The following DDAH1 variants were observed in gnomAD, a reference collection of about 807,000 sequenced individuals.
DDAH1 encodes dimethylarginine dimethylaminohydrolase 1.
DDAH1 carries 19 observed loss-of-function variants against 28.8 expected under a neutral mutation model. The ratio of observed to expected loss-of-function variants is 0.66; its 90% CI spans 0.46 to 0.97. DDAH1 has a LOEUF of 0.97. Among genes scored for constraint, DDAH1 ranks in the 50% least tolerant of loss-of-function variants. DDAH1 has a pLI of 0.00. For missense variants in DDAH1, 326 were observed against 375.9 expected, an observed-to-expected ratio of 0.87 and a Z score of 1.10; for synonymous variants, 153 against 154.4, an observed-to-expected ratio of 0.99 and a Z score of 0.07.
chr1:85,525,567 TCA>T (rs3058870), intron 1 of DDAH1, among the ~76,000 whole-genome samples: 15 of 148,980 alleles, frequency 1.0e-4, no homozygotes, highest in Non-Finnish European at 1.8e-4. Context: ...AGAATGATAT[TCA>T]CACACACACA....
At chr1:85,335,973 A>G (rs750719822) in intron 4 of DDAH1, among the ~76,000 whole-genome samples, 3 of 30,196 alleles carry the variant, frequency 9.9e-5, no homozygotes, top group Non-Finnish European at 9.3e-5. Context: ...AAAATGAAAT[A>G]AAATAAAATA....
At position 85,397,951 on chromosome 1, in the gene DDAH1, T is replaced by C. The variant is rs1651887493; in HGVS notation, c.304-39104A>G. On this transcript the variant is annotated intron_variant, in intron 1 of 5. Coordinates refer to ENST00000284031, the MANE Select transcript of DDAH1 (RefSeq NM_012137.4). ...AGTTGAGGAGATGCTGGTGCCATGC[T>C]TCTTATATAGCCTGCAGAGCTGTAA... 2.0e-5 allele frequency among the ~76,000 whole-genome samples: 3 copies of C among 151,880 alleles called. No individual in the cohort carries two copies. The South Asian group carries it at 6.2e-4, about 31-fold the overall frequency.
At chr1:85,408,232 G>A (rs780211521) in intron 1 of DDAH1, among the ~76,000 whole-genome samples, 9 of 151,906 alleles carry the variant, frequency 5.9e-5, no homozygotes, top group Non-Finnish European at 1.3e-4. Flanking sequence ...TGAAAGAGCT[G>A]TGCTTTTGTC....
At chr1:85,400,184 T>TTTTTTC (rs1652008877) in intron 1 of DDAH1, among the ~76,000 whole-genome samples, 3 of 78,450 alleles carry the variant, frequency 3.8e-5, no homozygotes, top group Non-Finnish European at 4.8e-5. Context: ...TTTCTTTTTT[T>TTTTTTC]TTTTTTTTTT....
chr1:85,339,299 A>G (rs1648325928), intron 4 of DDAH1, among the ~76,000 whole-genome samples: 1 of 152,172 alleles, frequency 6.6e-6, no homozygotes, highest in Non-Finnish European at 1.5e-5. Context: ...ACCTCTCAGT[A>G]TGTGGTCACA....
chr1:85,465,056 G>A lies in DDAH1; in HGVS notation c.-11C>T. 8.1e-7 allele frequency: 1 copy of A among 1,238,912 alleles called. No individual in the cohort carries two copies. 76.7% of individuals were successfully genotyped at this position (1,238,912 alleles called of 1,614,324 possible). Reference sequence around the variant, plus strand: ...GCCGAGCCCGGCCATGGCTTCGGGAGGCTTAGGGGCGGCGGCGGCGGCGGA... The same window carrying A: ...GCCGAGCCCGGCCATGGCTTCGGGAAGCTTAGGGGCGGCGGCGGCGGCGGA... On this transcript the variant is annotated 5_prime_UTR_variant, in exon 1 of 6. Transcript: ENST00000284031.
At chr1:85,551,725 T>C (rs1260545048) in intron 1 of DDAH1, among the ~76,000 whole-genome samples, 1 of 152,174 alleles carries the variant, frequency 6.6e-6, no homozygotes, top group Non-Finnish European at 1.5e-5. Context: ...GAGAACATCT[T>C]GGGAGATCAG....
At chr1:85,350,064 C>G (rs1649111573) in intron 4 of DDAH1, among the ~76,000 whole-genome samples, 1 of 152,204 alleles carries the variant, frequency 6.6e-6, no homozygotes, top group Admixed American at 6.5e-5. Flanking sequence ...TACCAACTCT[C>G]CAACTTAAGT....
At chr1:85,393,356 A>T (rs1039713397) in intron 1 of DDAH1, among the ~76,000 whole-genome samples, 1 of 152,172 alleles carries the variant, frequency 6.6e-6, no homozygotes, top group African/African-American at 2.4e-5. Flanking sequence ...AGGAATATCA[A>T]ATCCAGTTCT....
intron 1 of DDAH1, among the ~76,000 whole-genome samples, chr1:85,503,106 C>A (rs1478924828): frequency 1.3e-5 from 2 of 152,078 alleles, no homozygotes; most frequent in South Asian, 4.1e-4. Context: ...ACCCCAACAA[C>A]CAAATTAATA....
In DDAH1 at chr1:85,402,161, ATTTTTTT is replaced by A. The variant is rs11365834; in HGVS notation, c.304-43321_304-43315del. On this transcript the variant is annotated intron_variant, in intron 1 of 5. Coordinates refer to ENST00000284031, the MANE Select transcript of DDAH1 (RefSeq NM_012137.4). ...ACCACCACTCCCAGCTAATACTTCT[ATTTTTTT>A]TTTTTTTTTTTTTGGTACAGACAGG... Among the ~76,000 whole-genome samples the A allele has an allele frequency of 3.3e-5, 4 of 120,418 alleles. No homozygotes were observed. In the Admixed American group the frequency reaches 3.5e-4, roughly 11 times the overall value. 79.0% of individuals were successfully genotyped at this position (120,418 alleles called of 152,430 possible).
intron 1 of DDAH1, among the ~76,000 whole-genome samples, chr1:85,422,305 C>G (rs1653183203): frequency 6.6e-6 from 1 of 152,068 alleles, no homozygotes; most frequent in Admixed American, 6.6e-5. Context: ...GATACAACTC[C>G]TCTATCAGAT....
At chr1:85,383,555 TTTGAGAGGACTACAATC>T (rs1348795674) in intron 1 of DDAH1, among the ~76,000 whole-genome samples, 3 of 152,208 alleles carry the variant, frequency 2.0e-5, no homozygotes, top group African/African-American at 7.2e-5. Context: ...GCAATGGTAG[TTTGAGAGGACTACAATC>T]TTGAAAGAAG....
chr1:85,504,910 C>A (rs1656956199), intron 1 of DDAH1, among the ~76,000 whole-genome samples: 1 of 150,930 alleles, frequency 6.6e-6, no homozygotes, highest in Non-Finnish European at 1.5e-5. Flanking sequence ...ATCAGAATTT[C>A]CAGGGAGGGG....
intron 1 of DDAH1, among the ~76,000 whole-genome samples, chr1:85,524,172 C>T (rs1176937273): frequency 4.0e-5 from 6 of 151,748 alleles, no homozygotes; most frequent in Non-Finnish European, 5.9e-5. Context: ...GGTGTGTACA[C>T]AATGGAGACA....
chr1:85,480,307 A>G (rs1374732921), intron 2 of DDAH1, among the ~76,000 whole-genome samples: 1 of 152,212 alleles, frequency 6.6e-6, no homozygotes, highest in African/African-American at 2.4e-5. Context: ...TTAAGCTTCT[A>G]ATAAAACCTA....
chr1:85,348,839 A>T (rs1649022510), intron 4 of DDAH1, among the ~76,000 whole-genome samples: 1 of 152,234 alleles, frequency 6.6e-6, no homozygotes, highest in Admixed American at 6.5e-5. Flanking sequence ...CTATTGAGGT[A>T]GGGACCAAAT....
intron 1 of DDAH1, among the ~76,000 whole-genome samples, chr1:85,558,162 T>C (rs907787546): frequency 6.6e-6 from 1 of 151,052 alleles, no homozygotes; most frequent in Non-Finnish European, 1.5e-5. Context: ...AGTTCAAGAG[T>C]TCAAGACTGG....
chr1:85,519,225 C>G (rs1386248752), intron 1 of DDAH1, among the ~76,000 whole-genome samples: 1 of 151,232 alleles, frequency 6.6e-6, no homozygotes, highest in East Asian at 2.0e-4. Context: ...TCCCCAGTAG[C>G]TGCGACTACA....
Sources: allele counts gnomAD v4.1 joint callset (sites outside exome capture counted in the v4.1 genomes callset), GRCh38; gene constraint gnomAD v4.1.1; transcripts MANE v1.5; gene names NCBI Gene and HGNC (gene_info 2026-07-23, HGNC 2026-07-21).